KIAA1328: variants seen among roughly 807,000 people sequenced by gnomAD.
KIAA1328 encodes protein hinderin.
Under a neutral mutation model 68.1 loss-of-function variants are expected in KIAA1328, and 52 were observed. The observed-to-expected ratio is 0.76, with a 90% CI of 0.61 to 0.96. KIAA1328 has a LOEUF of 0.96. KIAA1328 is among the 40% of genes least tolerant of loss of function. KIAA1328 has a pLI of 0.00. For synonymous variants in KIAA1328, 232 were observed against 239.4 expected (o/e 0.97, Z 0.28); for missense variants, 641 against 677.6 (o/e 0.95, Z 0.60).
chr18:36,838,259 A>G (rs1174484347), intron 3 of KIAA1328, among the ~76,000 whole-genome samples: 3 of 152,280 alleles, frequency 2.0e-5, no homozygotes, highest in Middle Eastern at 6.8e-3. Context: ...GTGAATAGAG[A>G]TAGTTCACAT....
chr18:37,218,200 C>A (rs1303327795), intron 9 of KIAA1328, among the ~76,000 whole-genome samples: 1 of 152,216 alleles, frequency 6.6e-6, no homozygotes, highest in Non-Finnish European at 1.5e-5. Context: ...GGCTCTAAAT[C>A]CTTCATTATA....
At chr18:37,009,914 C>G (rs550658202) in intron 6 of KIAA1328, among the ~76,000 whole-genome samples, 4 of 151,954 alleles carry the variant, frequency 2.6e-5, no homozygotes, top group Non-Finnish European at 5.9e-5. Context: ...ATACATAGTT[C>G]GTAATTATCT....
intron 8 of KIAA1328, among the ~76,000 whole-genome samples, chr18:37,161,419 GT>G (rs1256795526): frequency 6.6e-6 from 1 of 152,162 alleles, no homozygotes; most frequent in Non-Finnish European, 1.5e-5. Context: ...ATGATAATTA[GT>G]TCAAATTTTG....
At chr18:36,838,439 A>G (rs2046751387) in intron 3 of KIAA1328, among the ~76,000 whole-genome samples, 1 of 152,172 alleles carries the variant, frequency 6.6e-6, no homozygotes, top group African/African-American at 2.4e-5. Flanking sequence ...TTCCTTTAAC[A>G]TTAGTTCAGG....
Position 37,108,416 on chromosome 18 carries a change from C to T in KIAA1328, c.1232+40871C>T, listed in dbSNP as rs1467031109. ...AAAACTACCTGTTGGTTACTATGCT[C>T]ACTACCAGGGTGATGGGATCTGTAC... On this transcript the variant is annotated intron_variant, in intron 7 of 9. Transcript: ENST00000280020. 3.3e-5 allele frequency among the ~76,000 whole-genome samples: 5 copies of T among 152,252 alleles called. No homozygotes were observed. In the East Asian group the frequency reaches 9.7e-4, roughly 29 times the overall value.
At chr18:36,926,626 A>G (rs1369747073) in intron 5 of KIAA1328, among the ~76,000 whole-genome samples, 2 of 152,270 alleles carry the variant, frequency 1.3e-5, no homozygotes, top group African/African-American at 4.8e-5. Flanking sequence ...CTGGAGTAGA[A>G]GATAGGTATT....
chr18:36,924,477 A>G (rs1482993835), intron 5 of KIAA1328, among the ~76,000 whole-genome samples: 2 of 152,184 alleles, frequency 1.3e-5, no homozygotes, highest in African/African-American at 2.4e-5. Flanking sequence ...GATTGAGCAT[A>G]TAGAGACAAG....
At chr18:36,966,556 A>G (rs2051945916) in intron 6 of KIAA1328, among the ~76,000 whole-genome samples, 1 of 152,210 alleles carries the variant, frequency 6.6e-6, no homozygotes, top group Non-Finnish European at 1.5e-5. Context: ...CTTTATTTAT[A>G]AATAACATCA....
intron 7 of KIAA1328, among the ~76,000 whole-genome samples, chr18:37,111,175 C>T (rs778485035): frequency 1.3e-5 from 2 of 152,154 alleles, no homozygotes; most frequent in Admixed American, 6.5e-5. Context: ...CACAGCTGTC[C>T]ATGCTGGCTA....
intron 8 of KIAA1328, among the ~76,000 whole-genome samples, chr18:37,167,527 C>T (rs1027904329): frequency 2.0e-5 from 3 of 152,046 alleles, no homozygotes; most frequent in East Asian, 1.9e-4. Flanking sequence ...CTCTTCCAAC[C>T]GCTTTGGCCA....
intron 7 of KIAA1328, among the ~76,000 whole-genome samples, chr18:37,086,309 A>C (rs182012338): frequency 1.7e-4 from 26 of 152,342 alleles, no homozygotes; most frequent in Non-Finnish European, 2.8e-4. Flanking sequence ...TGCAATGAAT[A>C]CATACAGTAT....
chr18:37,058,808 T>TA (rs2056030507), intron 6 of KIAA1328, among the ~76,000 whole-genome samples: 1 of 152,090 alleles, frequency 6.6e-6, no homozygotes, highest in African/African-American at 2.4e-5. Context: ...GCAAAGAAGT[T>TA]ACTCCCCTAA....
At chr18:37,028,194 G>A (rs1332379449) in intron 6 of KIAA1328, among the ~76,000 whole-genome samples, 1 of 152,134 alleles carries the variant, frequency 6.6e-6, no homozygotes, top group African/African-American at 2.4e-5. Flanking sequence ...TTCATTTAGA[G>A]TAATGACCTC....
At chr18:37,097,768 T>C (rs1447992709) in intron 7 of KIAA1328, among the ~76,000 whole-genome samples, 8 of 152,154 alleles carry the variant, frequency 5.3e-5, no homozygotes, top group African/African-American at 1.9e-4. Context: ...GGTTTGTAGT[T>C]CTCCTTGAAG....
intron 6 of KIAA1328, among the ~76,000 whole-genome samples, chr18:37,060,775 A>G (rs922712195): frequency 6.6e-6 from 1 of 152,214 alleles, no homozygotes; most frequent in Non-Finnish European, 1.5e-5. Context: ...ACAATTTTAT[A>G]TCCATCAACA....
At chr18:36,958,457 C>A (rs1234942133) in intron 5 of KIAA1328, among the ~76,000 whole-genome samples, 1 of 152,144 alleles carries the variant, frequency 6.6e-6, no homozygotes, top group Non-Finnish European at 1.5e-5. Flanking sequence ...GTCTTATGTT[C>A]CCATTAGTTA....
intron 9 of KIAA1328, among the ~76,000 whole-genome samples, chr18:37,177,173 T>C (rs2059611675): frequency 6.6e-6 from 1 of 152,214 alleles, no homozygotes; most frequent in Non-Finnish European, 1.5e-5. Flanking sequence ...TACAGCTGTA[T>C]ATCCTTGATA....
intron 7 of KIAA1328, among the ~76,000 whole-genome samples, chr18:37,159,795 G>A (rs2154211313): frequency 6.6e-6 from 1 of 152,230 alleles, no homozygotes; most frequent in East Asian, 1.9e-4. Context: ...ACACAAACGC[G>A]TTTGTGTGAG....
At chr18:36,883,905 G>A (rs1217825903) in intron 4 of KIAA1328, among the ~76,000 whole-genome samples, 2 of 143,082 alleles carry the variant, frequency 1.4e-5, no homozygotes, top group East Asian at 2.0e-4. Flanking sequence ...GTGACCAAAT[G>A]TTTGGTAACT....
Sources: allele counts gnomAD v4.1 joint callset (sites outside exome capture counted in the v4.1 genomes callset), GRCh38; gene constraint gnomAD v4.1.1; transcripts MANE v1.5; gene names NCBI Gene and HGNC (gene_info 2026-07-23, HGNC 2026-07-21).